The following UGT1A10 variants were observed in gnomAD, a reference collection of about 807,000 sequenced individuals.
UGT1A10 encodes the protein UDP-glucuronosyltransferase 1A10.
UGT1A10 carries 49 observed loss-of-function variants against 45.8 expected under a neutral mutation model. That is an observed-to-expected ratio of 1.07 (90% CI 0.85 to 1.36). UGT1A10 has a LOEUF of 1.36. Among genes scored for constraint, UGT1A10 ranks in the 40% most tolerant of loss-of-function variants. UGT1A10 has a pLI of 0.00. For missense variants in UGT1A10, 745 were observed against 668.6 expected (o/e 1.11, Z -1.26); for synonymous variants, 284 against 249.7 (o/e 1.14, Z -1.29).
At chr2:233,682,805 C>A (rs2074601450) in intron 1 of UGT1A10, 1 of 1,593,992 alleles carries the variant, frequency 6.3e-7, no homozygotes, top group African/African-American at 1.4e-5. Context: ...AAGTTATCTC[C>A]CCTTTAGCAC....
chr2:233,769,450 T>A lies in UGT1A10; in HGVS notation c.1295+1011T>A. On this transcript the variant is annotated intron_variant, in intron 4 of 4. Coordinates refer to ENST00000344644, the MANE Select transcript of UGT1A10 (RefSeq NM_019075.4). The surrounding 1 kb of genome is among the most constrained non-coding windows in gnomAD (Gnocchi z 4.4). Reference sequence around the variant, plus strand: ...CTGTGCTCATGTGTGGGTGCACACGTGTGCATTCATATGCGTGTGTGTGTG... The same window carrying A: ...CTGTGCTCATGTGTGGGTGCACACGAGTGCATTCATATGCGTGTGTGTGTG... The A allele has an allele frequency of 1.3e-6, 2 of 1,587,838 alleles. No individual in the cohort carries two copies. The highest frequency in any genetic ancestry group is 1.7e-6 in the Non-Finnish European group (2 of 1,158,796).
rs376610929 is a variant in UGT1A10, at chr2:233,637,351, T to C, written c.829T>C (p.Cys277Arg). 6.2e-7 allele frequency: 1 copy of C among 1,613,796 alleles called. No individual in the cohort carries two copies. Residue 277 changes from cysteine to arginine, a missense_variant, in exon 1 of 5, where the codon TGT (cysteine) becomes CGT (arginine). Physicochemically the swap from Cys to Arg is radical, Grantham distance 180. Coordinates refer to ENST00000344644, the MANE Select transcript of UGT1A10 (RefSeq NM_019075.4). ...CATGATCTTCATTGGTGGTATCAAC[T>C]GTCATCAGGGAAAGCCATTGCCTAT... ...PNMIFIGGIN[C>R]HQGKPLPMEF...
At chr2:233,672,167 C>A in intron 1 of UGT1A10, 1 of 1,614,204 alleles carries the variant, frequency 6.2e-7, no homozygotes, top group Non-Finnish European at 8.5e-7. Flanking sequence ...AAGACTTATT[C>A]AACTTCATAT....
chr2:233,763,825 C>A (rs564952155), intron 1 of UGT1A10, among the ~76,000 whole-genome samples: 1 of 152,266 alleles, frequency 6.6e-6, no homozygotes, highest in South Asian at 2.1e-4. Context: ...GATGTTCCTC[C>A]CCTGCCAGGG....
chr2:233,728,202 T>G (rs2077690162), intron 1 of UGT1A10, among the ~76,000 whole-genome samples: 1 of 152,206 alleles, frequency 6.6e-6, no homozygotes, highest in Non-Finnish European at 1.5e-5. Context: ...CTGGATTGAC[T>G]TGGAGAAGAG....
chr2:233,748,177 G>A, intron 1 of UGT1A10: 1 of 1,581,678 alleles, frequency 6.3e-7, no homozygotes, highest in Middle Eastern at 2.3e-4. Context: ...TTATCTTTCT[G>A]GTGCTTTTAT....
Position 233,772,789 on chromosome 2 carries a change from G to A in UGT1A10, c.*230G>A. ...CCCCTCTGGTGTCTTTGATCAGGAT[G>A]ACATGTGCCATTTTTCAGAGGACGT... On this transcript the variant is annotated 3_prime_UTR_variant, in exon 5 of 5. Coordinates refer to ENST00000344644, the MANE Select transcript of UGT1A10 (RefSeq NM_019075.4). 8.1e-7 allele frequency: 1 copy of A among 1,234,684 alleles called. No homozygotes were observed. Among genetic ancestry groups the A allele is most frequent in the Non-Finnish European group, 1.1e-6 (1 of 930,096 alleles). The allele number at this position is 1,234,684 out of a possible 1,614,324, so 76.5% of individuals were successfully genotyped here. A position where few individuals can be genotyped will look rare whatever the true frequency, so the allele number is the denominator to read the frequency against.
chr2:233,735,013 G>A (rs1042538145), intron 1 of UGT1A10, among the ~76,000 whole-genome samples: 1 of 152,194 alleles, frequency 6.6e-6, no homozygotes, highest in Non-Finnish European at 1.5e-5. Context: ...GGAGAGTTCT[G>A]TAGATGTCTA....
chr2:233,642,870 G>GTCTCTCTCTCTCTCTCACTCTC (rs2073489232), intron 1 of UGT1A10, among the ~76,000 whole-genome samples: 1 of 151,140 alleles, frequency 6.6e-6, no homozygotes, highest in Non-Finnish European at 1.5e-5. Flanking sequence ...AAAATACAGA[G>GTCTCTCTCTCTCTCTCACTCTC]TCTCTCTCTC....
chr2:233,716,171 A>G (rs17868334), intron 1 of UGT1A10, among the ~76,000 whole-genome samples: 15,437 of 152,224 alleles, frequency 0.1, 902 homozygotes, highest in East Asian at 0.2. Flanking sequence ...GCAGTGCAGC[A>G]TCTTCAAGTC....
chr2:233,642,875 T>A (rs2073489519), intron 1 of UGT1A10, among the ~76,000 whole-genome samples: 1 of 152,116 alleles, frequency 6.6e-6, no homozygotes, highest in Non-Finnish European at 1.5e-5. Flanking sequence ...ACAGAGTCTC[T>A]CTCTCTCTCT....
At chr2:233,701,158 T>C (rs2075613048) in intron 1 of UGT1A10, among the ~76,000 whole-genome samples, 1 of 152,210 alleles carries the variant, frequency 6.6e-6, no homozygotes, top group South Asian at 2.1e-4. Context: ...TTTGCTATTG[T>C]GAATAGTGCC....
intron 1 of UGT1A10, among the ~76,000 whole-genome samples, chr2:233,694,810 G>A (rs147477123): frequency 5.3e-5 from 8 of 152,290 alleles, no homozygotes; most frequent in Admixed American, 1.3e-4. Flanking sequence ...CAGGGATTCT[G>A]GGGCATGAAA....
intron 1 of UGT1A10, chr2:233,672,127 CA>C: frequency 6.2e-7 from 1 of 1,614,104 alleles, no homozygotes; most frequent in Non-Finnish European, 8.5e-7. Flanking sequence ...GGTGAGTTGG[CA>C]ACTGGGAAGA....
chr2:233,665,651 C>T (rs1575410981), intron 1 of UGT1A10, among the ~76,000 whole-genome samples: 1 of 152,200 alleles, frequency 6.6e-6, no homozygotes, highest in African/African-American at 2.4e-5. Flanking sequence ...AGGGCAGGCC[C>T]TTTGCTATCT....
At chr2:233,712,649 G>A (rs1221373992) in intron 1 of UGT1A10, among the ~76,000 whole-genome samples, 1 of 152,184 alleles carries the variant, frequency 6.6e-6, no homozygotes, top group Non-Finnish European at 1.5e-5. Flanking sequence ...CCTGATAAAC[G>A]TGGTTAAGAG....
intron 1 of UGT1A10, among the ~76,000 whole-genome samples, chr2:233,660,364 G>A (rs905579279): frequency 6.6e-6 from 1 of 152,200 alleles, no homozygotes; most frequent in Non-Finnish European, 1.5e-5. Context: ...AGGACATGGA[G>A]ACCACTTTGG....
At chr2:233,672,589 T>G in intron 1 of UGT1A10, 1 of 1,613,940 alleles carries the variant, frequency 6.2e-7, no homozygotes, top group Non-Finnish European at 8.5e-7. Context: ...GGAACATTTA[T>G]TATGCCACCG....
At chr2:233,690,534 A>G (rs1240259112) in intron 1 of UGT1A10, 1 of 1,287,984 alleles carries the variant, frequency 7.8e-7, no homozygotes, top group Non-Finnish European at 1.0e-6. Flanking sequence ...TACTTCTTTC[A>G]CCCCACTGGA....
Sources: gnomAD v4.1 joint callset for allele counts (sites outside exome capture counted in the v4.1 genomes callset) on GRCh38, gnomAD v4.1.1 for gene constraint, Gnocchi (gnomAD v3.1) non-coding constraint, MANE v1.5 for transcripts, NCBI Gene and HGNC (gene_info 2026-07-23, HGNC 2026-07-21) for gene names.